MSH6: variants seen among roughly 807,000 people sequenced by gnomAD.
MSH6 encodes the protein DNA mismatch repair protein Msh6.
Under a neutral mutation model 119.1 loss-of-function variants are expected in MSH6, and 85 were observed. The observed-to-expected ratio is 0.71, with a 90% CI of 0.60 to 0.85. The LOEUF (loss-of-function observed/expected upper bound fraction) is 0.85. Among genes scored for constraint, MSH6 ranks in the 40% least tolerant of loss-of-function variants. MSH6 has a pLI of 0.00. For missense variants in MSH6, 2,163 were observed against 1,655.3 expected (o/e 1.31, Z -5.32); for synonymous variants, 830 against 586.9 (o/e 1.41, Z -5.99).
chr2:47,799,344 G>C lies in MSH6; in HGVS notation c.1361G>C (p.Gly454Ala), dbSNP rs1386737742. ...VSELGLVFMKGNWAHSGFPEI... is the reference protein window; with the variant it reads ...VSELGLVFMKANWAHSGFPEI... Reference sequence around the variant, plus strand: ...GAACTGGGGCTGGTATTCATGAAAGGCAACTGGGCCCATTCTGGCTTTCCT... The same window carrying C: ...GAACTGGGGCTGGTATTCATGAAAGCCAACTGGGCCCATTCTGGCTTTCCT... Residue 454 changes from glycine (G) to alanine (A), a missense_variant, in exon 4 of 10, where the codon GGC becomes GCC. Gly to Ala is a moderately conservative substitution (Grantham distance 60). Transcript: ENST00000234420. 1.2e-6 allele frequency: 2 copies of C among 1,614,030 alleles called. No individual in the cohort carries two copies. Among genetic ancestry groups the C allele is most frequent in the Non-Finnish European group, 1.7e-6 (2 of 1,180,030 alleles).
rs762740486 is a variant in MSH6, at chr2:47,806,166, C to CT, written c.3647-35dup. ...TTTAATTCCTTTTTTGTTTTAATTC[C>CT]TTTGAGTTACTTCCTTATGCATATT... On this transcript the variant is annotated intron_variant, in intron 7 of 9. Coordinates refer to ENST00000234420, the MANE Select transcript of MSH6 (RefSeq NM_000179.3). The CT allele has an allele frequency of 4.9e-5, 78 of 1,582,678 alleles. 1 individual carries two copies. The highest frequency in any genetic ancestry group is 6.2e-5 in the Non-Finnish European group (71 of 1,153,080).
At position 47,799,865 on chromosome 2, in the gene MSH6, T is replaced by G; in HGVS notation, c.1882T>G (p.Trp628Gly). ...AGGTCTGATACCCGGCTCCCAGTTTTGGGATGCATCCAAAACTTTGAGAAC... is the reference window on the plus strand; with the variant it reads ...AGGTCTGATACCCGGCTCCCAGTTTGGGGATGCATCCAAAACTTTGAGAAC... ...QEGLIPGSQF[W>G]DASKTLRTLL... The change falls in exon 4 of 10, where the codon TGG becomes GGG. Residue 628 changes from tryptophan to glycine, a missense_variant. Coordinates refer to ENST00000234420, the MANE Select transcript of MSH6 (RefSeq NM_000179.3). 2 of 1,614,204 alleles carry G rather than the reference T, an allele frequency of 1.2e-6. No homozygotes were observed. The highest frequency in any genetic ancestry group is 2.2e-5 in the East Asian group (1 of 44,884).
rs3136299 is a variant in MSH6 at position 47,793,608 on chromosome 2, A to AAAAT, written c.458-2262_458-2259dup. Reference sequence around the variant, plus strand: ...GGGAACGGAGTGAGACTTCATCTCAAAAATAAATAAATAAATAAATAAATA... The same window carrying AAAAT: ...GGGAACGGAGTGAGACTTCATCTCAAAAATAAATAAATAAATAAATAAATAAATA... On this transcript the variant is annotated intron_variant, in intron 2 of 9. Transcript: ENST00000234420. Among the ~76,000 whole-genome samples, 765 of 151,252 alleles carry AAAAT rather than the reference A, an allele frequency of 5.1e-3. 5 individuals carry two copies. Among genetic ancestry groups the AAAAT allele is most frequent in the East Asian group, 0.013 (67 of 5,168 alleles).
downstream of MSH6, chr2:47,809,337 T>G: frequency 1.0e-6 from 1 of 1,000,972 alleles, no homozygotes; most frequent in Non-Finnish European, 1.5e-6. Flanking sequence ...GATTATAGGA[T>G]TATTCTAACA....
At position 47,800,588 on chromosome 2, in the gene MSH6, T is replaced by G. The variant is rs768941857; in HGVS notation, c.2605T>G (p.Cys869Gly). The change falls in exon 4 of 10, where the codon TGT becomes GGT. Residue 869 changes from cysteine (C) to glycine (G), a missense_variant. Physicochemically the swap from Cys to Gly is radical, Grantham distance 159. Coordinates refer to ENST00000234420, the MANE Select transcript of MSH6 (RefSeq NM_000179.3). ...TGCTCTGGAAGGATTCAAAGTAATG[T>G]GTAAAATTATAGGGATCATGGAAGA... The part of the protein sequence containing the change: ...LSALEGFKVM[C>G]KIIGIMEEVA... 4 of 1,613,962 alleles carry G rather than the reference T, an allele frequency of 2.5e-6. No homozygotes were observed. The highest frequency in any genetic ancestry group is 1.3e-5 in the African/African-American group (1 of 74,902).
chr2:47,788,917 T>G (rs1327726358), intron 1 of MSH6, among the ~76,000 whole-genome samples: 4 of 57,880 alleles, frequency 6.9e-5, no homozygotes, highest in African/African-American at 2.6e-4. Flanking sequence ...CTTTTTTTTT[T>G]TTTTGTTTTT....
intron 2 of MSH6, among the ~76,000 whole-genome samples, chr2:47,792,076 CCT>C (rs1481564564): frequency 6.6e-6 from 1 of 152,132 alleles, no homozygotes; most frequent in African/African-American, 2.4e-5. Context: ...GAACTGCTGA[CCT>C]CCAGTAATCC....
rs776170146 is a variant in MSH6, at chr2:47,799,050, G to A, written c.1067G>A (p.Gly356Asp). The change falls in exon 4 of 10, where the codon GGT becomes GAT. Residue 356 changes from glycine to aspartate, a missense_variant. By Grantham distance (94) the Gly-to-Asp change is moderately conservative. Transcript: ENST00000234420. ...TCCCAAGCCCACGTTAGTGGAGGTG[G>A]TGATGACAGTAGTCGCCCTACTGTT... ...SESQAHVSGG[G>D]DDSSRPTVWY... is the part of the protein sequence containing the mutation. The A allele has an allele frequency of 2.5e-6, 4 of 1,614,198 alleles. No individual in the cohort carries two copies. Among genetic ancestry groups the A allele is most frequent in the Non-Finnish European group, 3.4e-6 (4 of 1,180,050 alleles).
At chr2:47,806,385 A>G (rs1255662806) in intron 8 of MSH6, 27 bp downstream of exon 8, 1 of 1,613,436 alleles carries the variant, frequency 6.2e-7, no homozygotes. Context: ...TTTTTCCACA[A>G]ATTCGGTTTT....
chr2:47,787,961 A>G (rs1393986259), intron 1 of MSH6, among the ~76,000 whole-genome samples: 3 of 152,192 alleles, frequency 2.0e-5, no homozygotes, highest in Non-Finnish European at 2.9e-5. Flanking sequence ...TTTTAAAATT[A>G]CCTTTAAAGA....
chr2:47,806,434 ATATTT>A lies in MSH6; in HGVS notation c.3802-16_3802-12del. The A allele has an allele frequency of 6.2e-7, 1 of 1,614,004 alleles. No homozygotes were observed. The highest frequency in any genetic ancestry group is 8.5e-7 in the Non-Finnish European group (1 of 1,179,938). On this transcript the variant is annotated splice_polypyrimidine_tract_variant and intron_variant, in intron 8 of 9. Transcript: ENST00000234420. ...TCTCTTGCTAGCACATGTATCGCTA[ATATTT>A]TTCTTTCTTAAGGCATGCATGGTAG...
chr2:47,788,906 CCTTTTTTTTTTTT>C (rs1668531356), intron 1 of MSH6, among the ~76,000 whole-genome samples: 2 of 15,828 alleles, frequency 1.3e-4, no homozygotes, highest in African/African-American at 7.7e-4. Context: ...CTTTCTTCTT[CCTTTTTTTTTTTT>C]TTGTTTTTTT....
rs755964436 is a variant in MSH6, at chr2:47,783,480, G to A, written c.247G>A (p.Ala83Thr). The A allele has an allele frequency of 2.1e-6, 3 of 1,434,682 alleles. No homozygotes were observed. Among genetic ancestry groups the A allele is most frequent in the South Asian group, 3.0e-5 (2 of 67,116 alleles). 88.9% of individuals were successfully genotyped at this position (1,434,682 alleles called of 1,614,324 possible). Residue 83 changes from alanine to threonine, a missense_variant, in exon 1 of 10, where the codon GCT becomes ACT. Physicochemically the swap from Ala to Thr is moderately conservative, Grantham distance 58. Coordinates refer to ENST00000234420, the MANE Select transcript of MSH6 (RefSeq NM_000179.3). ...NGGLRRSVAPAAPTSCDFSPG... is the reference protein window; with the variant it reads ...NGGLRRSVAPTAPTSCDFSPG... ...AGGGCTGCGGAGATCGGTAGCGCCT[G>A]CTGCCCCCACCAGGTAGCGGGGTGG...
At chr2:47,795,829 G>A (rs2104224580) in intron 2 of MSH6, 65 bp from the exon 3 acceptor site, 1 of 1,438,756 alleles carries the variant, frequency 7.0e-7, no homozygotes, top group Non-Finnish European at 9.7e-7. Context: ...GTCTTGAACT[G>A]CTGGGATTAC....
At position 47,803,825 on chromosome 2, in the gene MSH6, T is replaced by G. The variant is rs1047952883; in HGVS notation, c.3438+140T>G. The G allele has an allele frequency of 4.2e-5, 37 of 875,486 alleles. No individual in the cohort carries two copies. The Admixed American group carries it at 8.9e-4, about 21-fold the overall frequency. The allele number at this position is 875,486 out of a possible 1,614,324, so 54.2% of individuals were successfully genotyped here. ...GGAAGCAAAGGGAAATTACTCCCTG[T>G]GTTATAAAATTGAGAATTATATTTA... On this transcript the variant is annotated intron_variant, in intron 5 of 9. Transcript: ENST00000234420.
In MSH6 at chr2:47,790,908, T is replaced by C; in HGVS notation, c.261-19T>C. 6.2e-7 allele frequency: 1 copy of C among 1,612,526 alleles called. No individual in the cohort carries two copies. Among genetic ancestry groups the C allele is most frequent in the Non-Finnish European group, 8.5e-7 (1 of 1,178,480 alleles). On this transcript the variant is annotated intron_variant, in intron 1 of 9. Transcript: ENST00000234420. ...TTGACCAAATATTAACTAAGTTATG[T>C]ATTTCCTTTTGGCAACAGTTGTGAC...
At chr2:47,789,880 TAC>T (rs1388397399) in intron 1 of MSH6, among the ~76,000 whole-genome samples, 2 of 152,096 alleles carry the variant, frequency 1.3e-5, no homozygotes, top group African/African-American at 2.4e-5. Flanking sequence ...TGGAGTACAG[TAC>T]AGTGATCACA....
chr2:47,785,760 G>A (rs1050240958), intron 1 of MSH6, among the ~76,000 whole-genome samples: 2 of 152,210 alleles, frequency 1.3e-5, no homozygotes, highest in Non-Finnish European at 2.9e-5. Flanking sequence ...ACTTGAGCAT[G>A]AATTGATTGT....
intron 2 of MSH6, among the ~76,000 whole-genome samples, chr2:47,792,878 T>TGACG (rs1668831488): frequency 6.8e-6 from 1 of 146,332 alleles, no homozygotes; most frequent in African/African-American, 2.5e-5. Flanking sequence ...TTTAAAGAGA[T>TGACG]GACGGTCTTG....
Sources: allele counts gnomAD v4.1 joint callset (sites outside exome capture counted in the v4.1 genomes callset), GRCh38; gene constraint gnomAD v4.1.1; transcripts MANE v1.5; gene names NCBI Gene and HGNC (gene_info 2026-07-23, HGNC 2026-07-21).